PLPP1: variants seen among roughly 807,000 people sequenced by gnomAD.
PLPP1 encodes lipid phosphate phosphohydrolase 1a.
PLPP1 carries 24 observed loss-of-function variants against 31.2 expected under a neutral mutation model. The observed-to-expected ratio is 0.77, with a 90% CI of 0.56 to 1.08. The LOEUF (loss-of-function observed/expected upper bound fraction) is 1.08, where lower values mean the gene tolerates loss of function less well. Among genes scored for constraint, PLPP1 ranks in the 50% least tolerant of loss-of-function variants. PLPP1 has a pLI of 0.00. For synonymous variants in PLPP1, 146 were observed against 126.3 expected (o/e 1.16, Z -1.05); for missense variants, 319 against 342.7 (o/e 0.93, Z 0.55).
chr5:55,475,410 G>T lies in PLPP1; in HGVS notation c.99C>A (p.Pro33=). The change falls in exon 2 of 6, where the codon CCC becomes CCA. Residue 33 remains proline, a synonymous_variant. Coordinates refer to ENST00000307259, the MANE Select transcript of PLPP1 (RefSeq NM_003711.4). ...CATTACAGAATACTCCTCGTTGGAA[G>T]GGGGTATGCCTTGAAGTAAGAATTG... ...PFAILTSRHT[P]FQRGVFCNDE... 1 of 1,612,370 alleles carries T rather than the reference G, an allele frequency of 6.2e-7. No individual in the cohort carries two copies. Among genetic ancestry groups the T allele is most frequent in the Non-Finnish European group, 8.5e-7 (1 of 1,179,194 alleles).
At chr5:55,493,242 G>A (rs1752934295) in intron 1 of PLPP1, among the ~76,000 whole-genome samples, 1 of 150,854 alleles carries the variant, frequency 6.6e-6, no homozygotes, top group African/African-American at 2.4e-5. Context: ...TTGAGCCCAA[G>A]AGGTAAAGGC....
intron 1 of PLPP1, among the ~76,000 whole-genome samples, chr5:55,509,392 C>T (rs1324505591): frequency 6.6e-6 from 1 of 152,180 alleles, no homozygotes; most frequent in Non-Finnish European, 1.5e-5. Context: ...AGTGCACCCT[C>T]AACTTTTAGA....
chr5:55,497,251 A>AT (rs113222396), intron 1 of PLPP1, among the ~76,000 whole-genome samples: 87 of 150,628 alleles, frequency 5.8e-4, no homozygotes, highest in African/African-American at 2.0e-3. Flanking sequence ...CCTCAAAGAA[A>AT]TTTTTTTTTT....
intron 3 of PLPP1, among the ~76,000 whole-genome samples, chr5:55,449,404 C>T (rs1361197607): frequency 6.6e-6 from 1 of 152,094 alleles, no homozygotes; most frequent in Non-Finnish European, 1.5e-5. Flanking sequence ...ATCTGACATG[C>T]CTGCTACAGA....
intron 1 of PLPP1, among the ~76,000 whole-genome samples, chr5:55,498,140 A>G (rs926327849): frequency 6.6e-6 from 1 of 152,188 alleles, no homozygotes. Flanking sequence ...AGTCTATATT[A>G]AGACTACATA....
chr5:55,442,574 C>G (rs902727172), intron 3 of PLPP1, among the ~76,000 whole-genome samples: 4 of 151,666 alleles, frequency 2.6e-5, no homozygotes, highest in Non-Finnish European at 4.4e-5. Flanking sequence ...ATTGCTTGAA[C>G]CTGGGAGGCA....
chr5:55,502,034 A>C (rs929486689), intron 1 of PLPP1, among the ~76,000 whole-genome samples: 1 of 152,242 alleles, frequency 6.6e-6, no homozygotes, highest in African/African-American at 2.4e-5. Flanking sequence ...TGTAAAAAGC[A>C]AAAGAATATT....
chr5:55,534,663 G>C lies in PLPP1; in HGVS notation c.-34C>G. On this transcript the variant is annotated 5_prime_UTR_variant, in exon 1 of 6. Transcript: ENST00000307259. ...CCCGGGCTGCCCGGCAAGGGCGATG[G>C]ACTGAGCTGCGGGACGGCGGCCGAG... 8 of 1,526,288 alleles carry C rather than the reference G, an allele frequency of 5.2e-6. No homozygotes were observed. The highest frequency in any genetic ancestry group is 7.0e-6 in the Non-Finnish European group (8 of 1,138,064). The allele number at this position is 1,526,288 out of a possible 1,614,324, so 94.5% of individuals were successfully genotyped here.
At chr5:55,511,415 A>G (rs1753404847) in intron 1 of PLPP1, among the ~76,000 whole-genome samples, 1 of 152,194 alleles carries the variant, frequency 6.6e-6, no homozygotes, top group Admixed American at 6.5e-5. Context: ...AAAATTTCAG[A>G]CAATTATATT....
chr5:55,531,364 C>G (rs969062060), intron 1 of PLPP1, among the ~76,000 whole-genome samples: 1 of 152,206 alleles, frequency 6.6e-6, no homozygotes, highest in Admixed American at 6.5e-5. Flanking sequence ...CACACACATG[C>G]ACACAGGCAT....
intron 1 of PLPP1, among the ~76,000 whole-genome samples, chr5:55,510,312 A>ACAT (rs1045310010): frequency 2.5e-4 from 38 of 152,234 alleles, no homozygotes; most frequent in African/African-American, 8.2e-4. Context: ...CATTTATATG[A>ACAT]CATTATATGA....
chr5:55,487,551 T>C (rs1752800324), intron 1 of PLPP1, among the ~76,000 whole-genome samples: 2 of 152,182 alleles, frequency 1.3e-5, no homozygotes, highest in African/African-American at 4.8e-5. Context: ...AAAAAGATTA[T>C]GAACCTCGCA....
intron 3 of PLPP1, among the ~76,000 whole-genome samples, chr5:55,466,862 GAAC>G: frequency 6.6e-6 from 1 of 152,078 alleles, no homozygotes; most frequent in South Asian, 2.1e-4. Flanking sequence ...TTTGTACTTT[GAAC>G]AACTAAAGGA....
chr5:55,467,078 A>G (rs1054015976), intron 3 of PLPP1, among the ~76,000 whole-genome samples: 1 of 152,192 alleles, frequency 6.6e-6, no homozygotes, highest in Non-Finnish European at 1.5e-5. Context: ...TGCAGAAAGG[A>G]GCCCAATAAG....
intron 2 of PLPP1, 139 bp downstream of exon 2, chr5:55,475,160 G>T: frequency 1.3e-6 from 1 of 784,922 alleles, no homozygotes; most frequent in Non-Finnish European, 1.9e-6. Context: ...AGATTCTCTT[G>T]ATCAAATAAA....
At chr5:55,503,779 AACGAAGGAGAGGAAGGGG>A (rs1439086943) in intron 1 of PLPP1, among the ~76,000 whole-genome samples, 2 of 137,340 alleles carry the variant, frequency 1.5e-5, no homozygotes, top group Non-Finnish European at 3.1e-5. Flanking sequence ...GCTGTCTCAA[AACGAAGGAGAGGAAGGGG>A]AGGAAGGGGA....
At chr5:55,479,460 C>CA (rs1050890807) in intron 1 of PLPP1, among the ~76,000 whole-genome samples, 2 of 152,206 alleles carry the variant, frequency 1.3e-5, no homozygotes, top group African/African-American at 4.8e-5. Flanking sequence ...ACCTAAGGCT[C>CA]AAAAAGAACA....
At chr5:55,447,336 C>T (rs1421178009) in intron 3 of PLPP1, among the ~76,000 whole-genome samples, 1 of 152,176 alleles carries the variant, frequency 6.6e-6, no homozygotes, top group African/African-American at 2.4e-5. Flanking sequence ...TACTATACCA[C>T]CATTTCCCCC....
chr5:55,498,215 G>A (rs1367813365), intron 1 of PLPP1, among the ~76,000 whole-genome samples: 4 of 152,136 alleles, frequency 2.6e-5, no homozygotes, highest in Non-Finnish European at 5.9e-5. Context: ...TGTGCTAATG[G>A]AGGGGCTATG....
Sources: allele counts gnomAD v4.1 joint callset (sites outside exome capture counted in the v4.1 genomes callset), GRCh38; gene constraint gnomAD v4.1.1; transcripts MANE v1.5; gene names NCBI Gene and HGNC (gene_info 2026-07-23, HGNC 2026-07-21).